ZNF658: variants seen among roughly 807,000 people sequenced by gnomAD.
ZNF658 encodes the protein zinc finger protein 658.
A neutral mutation model predicts 78.0 loss-of-function variants in ZNF658; 46 were observed. The observed-to-expected ratio is 0.59, with a 90% confidence interval of 0.47 to 0.75. The LOEUF (loss-of-function observed/expected upper bound fraction) is 0.75. ZNF658 is among the 30% of genes least tolerant of loss of function. ZNF658 has a pLI of 0.00. For synonymous variants in ZNF658, 279 were observed against 408.4 expected (o/e 0.68, Z 3.82); for missense variants, 785 against 1,189.3 (o/e 0.66, Z 5.00).
rs570348466 is a variant in ZNF658 at position 66,917,855 on chromosome 9, C to A, written c.289C>A (p.Pro97Thr). 7 of 1,573,246 alleles carry A rather than the reference C, an allele frequency of 4.4e-6. No individual in the cohort carries two copies. The South Asian group carries it at 4.6e-5, about 10-fold the overall frequency. The change falls in exon 5 of 5, where the codon CCT (proline) becomes ACT (threonine). Residue 97 changes from proline to threonine, a missense_variant. Around this residue, in one of 12 missense-constraint regions of ZNF658, gnomAD observed 4 missense variants for 21.5 expected, o/e 0.19. Transcript: ENST00000621410. ...IKGIREKQEK[P>T]LWQEIFISDA... ...AGGGATCCGGGAAAAACAAGAAAAA[C>A]CTCTGTGGCAAGAAATATTCATCAG...
chr9:66,929,671 CT>C (rs1196147066), intron 6 of ZNF658, among the ~76,000 whole-genome samples: 3 of 140,982 alleles, frequency 2.1e-5, no homozygotes, highest in African/African-American at 5.3e-5. Flanking sequence ...CTTCAGGAAT[CT>C]TTTTATTTTA....
chr9:66,912,937 G>T (rs1333403661), intron 4 of ZNF658, among the ~76,000 whole-genome samples: 1 of 151,634 alleles, frequency 6.6e-6, no homozygotes, highest in Non-Finnish European at 1.5e-5. Context: ...AATCCCAGCT[G>T]CTTGGGAGGC....
intron 1 of ZNF658, among the ~76,000 whole-genome samples, chr9:66,901,335 T>A (rs992208093): frequency 2.0e-5 from 3 of 152,100 alleles, no homozygotes; most frequent in African/African-American, 7.2e-5. Context: ...GAGATGCAAA[T>A]GCTGAGAGAT....
chr9:66,908,617 A>G (rs764828245), intron 3 of ZNF658, 22 bp from the exon 4 acceptor site: 76 of 1,563,290 alleles, frequency 4.9e-5, no homozygotes, highest in Non-Finnish European at 6.6e-5. Flanking sequence ...AATCTGGTCC[A>G]TGTCAATTAT....
At chr9:66,931,973 G>A (rs1185175942) in intron 6 of ZNF658, 1 of 150,114 alleles carries the variant, frequency 6.7e-6, no homozygotes, top group African/African-American at 2.5e-5. Flanking sequence ...ATCTGGGAGT[G>A]AATGGTCTCA....
At chr9:66,905,057 C>CTTT (rs1564168801) in intron 2 of ZNF658, among the ~76,000 whole-genome samples, 3 of 62,088 alleles carry the variant, frequency 4.8e-5, no homozygotes, top group East Asian at 3.8e-4. Context: ...TTTCTTTTCT[C>CTTT]TTTTTCTTTT....
chr9:66,903,687 T>C (rs1312117809), intron 2 of ZNF658, 111 bp downstream of exon 2: 8 of 794,666 alleles, frequency 1.0e-5, no homozygotes, highest in Non-Finnish European at 1.6e-5. Context: ...GACACATTCC[T>C]AGAAGATGTA....
intron 2 of ZNF658, among the ~76,000 whole-genome samples, chr9:66,907,547 G>A (rs1420804973): frequency 6.6e-6 from 1 of 151,642 alleles, no homozygotes; most frequent in Non-Finnish European, 1.5e-5. Context: ...CCATTCTACT[G>A]TCTACATCTA....
In ZNF658 at chr9:66,918,742, C is replaced by T. The variant is rs753067765; in HGVS notation, c.1176C>T (p.Ser392=). Residue 392 remains serine (S), a synonymous_variant, in exon 5 of 5, where the codon TCC becomes TCT. Coordinates refer to ENST00000621410, the MANE Select transcript of ZNF658 (RefSeq NM_033160.7). ...LSDEHGKCRK[S]FYRKAHLIQH... is the part of the protein sequence containing the mutation. Reference sequence around the variant, plus strand: ...ATGAACATGGGAAATGCAGAAAATCCTTTTACCGGAAAGCACACCTCATTC... The same window carrying T: ...ATGAACATGGGAAATGCAGAAAATCTTTTTACCGGAAAGCACACCTCATTC... The T allele has an allele frequency of 5.6e-6, 9 of 1,613,732 alleles. No homozygotes were observed. The South Asian group carries it at 6.6e-5, about 12-fold the overall frequency.
chr9:66,902,873 T>A (rs1043611387), intron 1 of ZNF658: 2 of 151,980 alleles, frequency 1.3e-5, no homozygotes, highest in African/African-American at 4.8e-5. Flanking sequence ...AAATTATTTT[T>A]AAATTTATTT....
Position 66,920,104 on chromosome 9 carries a change from A to T in ZNF658, c.2538A>T (p.Arg846Ser), listed in dbSNP as rs756068254. The T allele has an allele frequency of 1.7e-5, 28 of 1,612,768 alleles. No homozygotes were observed. In the South Asian group the frequency reaches 3.0e-4, roughly 17 times the overall value. Reference sequence around the variant, plus strand: ...GAACACACCTCTGTGCACATCAGAGAATTCATACTGGGGAAAAACCCTATG... The same window carrying T: ...GAACACACCTCTGTGCACATCAGAGTATTCATACTGGGGAAAAACCCTATG... The part of the protein sequence containing the change: ...SQRTHLCAHQ[R>S]IHTGEKPYEC... Residue 846 changes from arginine (R) to serine (S), a missense_variant, in exon 5 of 5, where the codon AGA (arginine) becomes AGT (serine). Physicochemically the swap from Arg to Ser is moderately radical, Grantham distance 110 (BLOSUM62 -1). Coordinates refer to ENST00000621410, the MANE Select transcript of ZNF658 (RefSeq NM_033160.7).
In ZNF658 at chr9:66,905,038, C is replaced by CTTTTCT; in HGVS notation, c.15+1467_15+1472dup. On this transcript the variant is annotated intron_variant, in intron 2 of 4. Transcript: ENST00000621410. The stretch of plus-strand genomic sequence containing the variant: ...TTCTCATGTCCAGGTGTGGATTTAT[C>CTTTTCT]TTTTCTTTTTTCTTTTCTCTTTTTC... Among the ~76,000 whole-genome samples, 3 of 59,148 alleles carry CTTTTCT rather than the reference C, an allele frequency of 5.1e-5. No individual in the cohort carries two copies. In the South Asian group the frequency reaches 1.5e-3, roughly 29 times the overall value. The allele number at this position is 59,148 out of a possible 152,430, so 38.8% of individuals were successfully genotyped here. A position where few individuals can be genotyped will look rare whatever the true frequency, so the allele number is the denominator to read the frequency against.
intron 4 of ZNF658, 112 bp downstream of exon 4, chr9:66,908,846 C>T (rs1449553193): frequency 1.2e-5 from 8 of 661,526 alleles, no homozygotes; most frequent in South Asian, 9.1e-5. Flanking sequence ...CACATGCCTA[C>T]AATTCACTCC....
intron 6 of ZNF658, among the ~76,000 whole-genome samples, chr9:66,929,386 C>T (rs1466582200): frequency 7.4e-6 from 1 of 135,072 alleles, no homozygotes; most frequent in Non-Finnish European, 1.6e-5. Flanking sequence ...AGAGCCATTG[C>T]AGGCACGGGG....
At chr9:66,912,154 A>G (rs1056966939) in intron 4 of ZNF658, among the ~76,000 whole-genome samples, 2 of 125,078 alleles carry the variant, frequency 1.6e-5, no homozygotes, top group South Asian at 2.4e-4. Context: ...AAAAAAAGAC[A>G]AAAGAAAAAA....
intron 6 of ZNF658, among the ~76,000 whole-genome samples, chr9:66,929,940 C>T (rs1262816864): frequency 7.3e-5 from 10 of 137,126 alleles, no homozygotes; most frequent in Admixed American, 2.4e-4. Context: ...CCCGCCACCA[C>T]GCCCAGCTAA....
chr9:66,910,633 C>A (rs922421398), intron 4 of ZNF658, among the ~76,000 whole-genome samples: 3 of 151,744 alleles, frequency 2.0e-5, no homozygotes, highest in African/African-American at 7.3e-5. Context: ...ACGGTGAAAC[C>A]CTGTCTCTAC....
At chr9:66,925,707 T>G (rs966618600), downstream of ZNF658, among the ~76,000 whole-genome samples, 2 of 152,020 alleles carry the variant, frequency 1.3e-5, no homozygotes, top group Non-Finnish European at 2.9e-5. Context: ...TCCCAAAAAA[T>G]CAAACAGGAG....
intron 4 of ZNF658, among the ~76,000 whole-genome samples, chr9:66,908,979 T>C (rs889783638): frequency 3.3e-5 from 5 of 152,204 alleles, no homozygotes; most frequent in South Asian, 2.1e-4. Flanking sequence ...CTGAACAATA[T>C]AGTATAACAA....
Sources: gnomAD v4.1 joint callset for allele counts (sites outside exome capture counted in the v4.1 genomes callset) on GRCh38, gnomAD v4.1.1 for gene constraint, gnomAD v4.1.1 regional missense constraint, MANE v1.5 for transcripts, NCBI Gene and HGNC (gene_info 2026-07-23, HGNC 2026-07-21) for gene names.